Variants in LRRC4C observed in about 807,000 individuals in gnomAD.
The protein encoded by LRRC4C is leucine-rich repeat-containing protein 4C.
Under a neutral mutation model 33.6 loss-of-function variants are expected in LRRC4C, and 5 were observed. The ratio of observed to expected loss-of-function variants is 0.15; its 90% confidence interval spans 0.08 to 0.31. The LOEUF (loss-of-function observed/expected upper bound fraction) is 0.31, where lower values mean the gene tolerates loss of function less well. LRRC4C is among the 10% of genes least tolerant of loss of function. LRRC4C has a pLI of 1.00. For synonymous variants in LRRC4C, 329 were observed against 302.0 expected (o/e 1.09, Z -0.93); for missense variants, 560 against 796.7 (o/e 0.70, Z 3.58).
chr11:40,950,637 A>T (rs1449102882), intron 1 of LRRC4C, among the ~76,000 whole-genome samples: 1 of 152,066 alleles, frequency 6.6e-6, no homozygotes, highest in Non-Finnish European at 1.5e-5. Flanking sequence ...TAATTACCAT[A>T]GTGATATCAT....
At chr11:41,289,805 A>G (rs980417497) in intron 1 of LRRC4C, among the ~76,000 whole-genome samples, 3 of 152,248 alleles carry the variant, frequency 2.0e-5, no homozygotes, top group African/African-American at 7.2e-5. Flanking sequence ...AAAAACAAGG[A>G]CAACAGAATT....
At chr11:40,710,869 C>T (rs1946427330) in intron 2 of LRRC4C, among the ~76,000 whole-genome samples, 1 of 152,198 alleles carries the variant, frequency 6.6e-6, no homozygotes, top group Admixed American at 6.5e-5. Flanking sequence ...TTCGAGCTTC[C>T]CAGCTGCTTT....
chr11:40,927,246 C>T (rs1035015572), intron 2 of LRRC4C, among the ~76,000 whole-genome samples: 3 of 151,890 alleles, frequency 2.0e-5, no homozygotes, highest in Middle Eastern at 3.2e-3. Context: ...TGGTGGTGCG[C>T]ACCTACAATC....
intron 1 of LRRC4C, among the ~76,000 whole-genome samples, chr11:41,398,832 T>C (rs867322098): frequency 6.6e-6 from 1 of 151,900 alleles, no homozygotes; most frequent in African/African-American, 2.4e-5. Context: ...CTAAGTTTGA[T>C]GTTTAAGATA....
intron 2 of LRRC4C, among the ~76,000 whole-genome samples, chr11:40,893,862 GGC>G (rs1246576740): frequency 7.9e-5 from 12 of 151,262 alleles, no homozygotes; most frequent in African/African-American, 2.9e-4. Flanking sequence ...TTCACACAGA[GGC>G]ATATATATCT....
At chr11:40,540,085 C>T (rs1475642500) in intron 3 of LRRC4C, among the ~76,000 whole-genome samples, 1 of 152,162 alleles carries the variant, frequency 6.6e-6, no homozygotes, top group African/African-American at 2.4e-5. Context: ...ACTCTCCCTA[C>T]TCATTGGGAC....
intron 3 of LRRC4C, among the ~76,000 whole-genome samples, chr11:40,598,832 A>G (rs1959661312): frequency 6.6e-6 from 1 of 152,082 alleles, no homozygotes; most frequent in Non-Finnish European, 1.5e-5. Flanking sequence ...AAAACACAGA[A>G]GGTGCTCTCA....
chr11:41,008,752 G>A (rs1250886217), intron 1 of LRRC4C, among the ~76,000 whole-genome samples: 1 of 152,022 alleles, frequency 6.6e-6, no homozygotes, highest in Non-Finnish European at 1.5e-5. Flanking sequence ...AGTCTAGTTT[G>A]TCACTTAGTT....
intron 3 of LRRC4C, among the ~76,000 whole-genome samples, chr11:40,593,176 C>G (rs1168202109): frequency 6.6e-6 from 1 of 151,934 alleles, no homozygotes; most frequent in Non-Finnish European, 1.5e-5. Flanking sequence ...ATACATCAAA[C>G]AAAGGAAGAG....
intron 1 of LRRC4C, among the ~76,000 whole-genome samples, chr11:41,371,182 T>C (rs181048480): frequency 3.3e-4 from 50 of 152,332 alleles, no homozygotes; most frequent in Admixed American, 2.8e-3. Context: ...GTAGGGATCA[T>C]ATCATATTAA....
At chr11:40,795,159 AG>A (rs2135208279) in intron 2 of LRRC4C, among the ~76,000 whole-genome samples, 1 of 152,310 alleles carries the variant, frequency 6.6e-6, no homozygotes. Context: ...ACACTATACC[AG>A]GTAATAAAAA....
intron 2 of LRRC4C, among the ~76,000 whole-genome samples, chr11:40,881,385 A>G (rs1006153249): frequency 2.6e-5 from 4 of 152,162 alleles, no homozygotes; most frequent in African/African-American, 9.6e-5. Context: ...CAACTCATAC[A>G]CAAACACTTT....
intron 2 of LRRC4C, among the ~76,000 whole-genome samples, chr11:40,787,392 C>A (rs1201334260): frequency 6.6e-6 from 1 of 152,090 alleles, no homozygotes; most frequent in Admixed American, 6.5e-5. Context: ...TTCCTTTGTG[C>A]TTGCTGACAA....
intron 3 of LRRC4C, among the ~76,000 whole-genome samples, chr11:40,492,694 T>C (rs1312554626): frequency 6.6e-6 from 1 of 152,154 alleles, no homozygotes; most frequent in Non-Finnish European, 1.5e-5. Flanking sequence ...TATTTAGGTA[T>C]GTACCTCACA....
At chr11:40,341,329 G>A (rs891940171) in intron 3 of LRRC4C, among the ~76,000 whole-genome samples, 9 of 152,062 alleles carry the variant, frequency 5.9e-5, no homozygotes, top group Non-Finnish European at 1.0e-4. Context: ...ATCATTGTTG[G>A]ACATTTGGCT....
chr11:40,187,419 T>C (rs530287671), intron 5 of LRRC4C, among the ~76,000 whole-genome samples: 1 of 152,130 alleles, frequency 6.6e-6, no homozygotes, highest in South Asian at 2.1e-4. Context: ...TGTAAATGTT[T>C]GGATTGACAG....
intron 5 of LRRC4C, among the ~76,000 whole-genome samples, chr11:40,200,344 A>T (rs1862623865): frequency 6.6e-6 from 1 of 151,884 alleles, no homozygotes; most frequent in African/African-American, 2.4e-5. Flanking sequence ...AGCCTGGGCG[A>T]CAGAGCGAGA....
intron 3 of LRRC4C, among the ~76,000 whole-genome samples, chr11:40,524,037 CTAAT>C (rs2135252160): frequency 6.6e-6 from 1 of 152,266 alleles, no homozygotes; most frequent in East Asian, 1.9e-4. Flanking sequence ...TGATCCCAAT[CTAAT>C]GTGTCTGTTT....
chr11:41,225,699 G>T (rs559096145), intron 1 of LRRC4C, among the ~76,000 whole-genome samples: 3 of 152,174 alleles, frequency 2.0e-5, no homozygotes, highest in Non-Finnish European at 4.4e-5. Context: ...AGGTAAAAAA[G>T]AATATTTGAT....
Sources: gnomAD v4.1 joint callset for allele counts (sites outside exome capture counted in the v4.1 genomes callset) on GRCh38, gnomAD v4.1.1 for gene constraint, MANE v1.5 for transcripts, NCBI Gene and HGNC (gene_info 2026-07-23, HGNC 2026-07-21) for gene names.